Variants in PPP2R2C observed in about 807,000 individuals in gnomAD.
PPP2R2C encodes protein phosphatase 2, regulatory subunit B, gamma.
In PPP2R2C, 10 loss-of-function variants were observed where a neutral mutation model predicts 45.3. The ratio of observed to expected loss-of-function variants is 0.22; its 90% CI spans 0.14 to 0.37. PPP2R2C has a LOEUF of 0.37. Among genes scored for constraint, PPP2R2C ranks in the 10% least tolerant of loss-of-function variants. The probability of loss-of-function intolerance (pLI) is 1.00; values close to 1 mark genes in which losing one functional copy is unlikely to be tolerated. For missense variants in PPP2R2C, 308 were observed against 619.7 expected, an observed-to-expected ratio of 0.50 and a Z score of 5.34; for synonymous variants, 257 against 245.4, an observed-to-expected ratio of 1.05 and a Z score of -0.44.
chr4:6,325,576 G>A (rs552570653), intron 8 of PPP2R2C, among the ~76,000 whole-genome samples: 1 of 152,334 alleles, frequency 6.6e-6, no homozygotes, highest in Non-Finnish European at 1.5e-5. Context: ...TTTAGTGGAA[G>A]GAGAGCGACA....
At chr4:6,531,784 C>T (rs1272692434) in intron 2 of PPP2R2C, among the ~76,000 whole-genome samples, 2 of 152,078 alleles carry the variant, frequency 1.3e-5, no homozygotes, top group Non-Finnish European at 2.9e-5. Flanking sequence ...CACTCAGTCC[C>T]CAGCATTCTC....
chr4:6,365,319 T>A (rs1247124676), intron 5 of PPP2R2C, among the ~76,000 whole-genome samples: 2 of 152,168 alleles, frequency 1.3e-5, no homozygotes, highest in African/African-American at 2.4e-5. Context: ...AACAGAGCAT[T>A]TCTGAGCAGG....
chr4:6,338,897 C>A (rs1193977643), intron 6 of PPP2R2C, among the ~76,000 whole-genome samples: 1 of 152,164 alleles, frequency 6.6e-6, no homozygotes, highest in African/African-American at 2.4e-5. Flanking sequence ...CCTCTCTGAG[C>A]CCAGCTTCCC....
At chr4:6,439,752 T>A (rs1720060884) in intron 1 of PPP2R2C, among the ~76,000 whole-genome samples, 1 of 152,192 alleles carries the variant, frequency 6.6e-6, no homozygotes. Context: ...GTTGAATGGC[T>A]GTATTTTCAG....
intron 1 of PPP2R2C, among the ~76,000 whole-genome samples, chr4:6,425,969 A>G (rs1459636396): frequency 3.9e-5 from 6 of 152,094 alleles, no homozygotes; most frequent in Non-Finnish European, 8.8e-5. Flanking sequence ...CAGGTCCATC[A>G]GTACCGGGCC....
intron 2 of PPP2R2C, among the ~76,000 whole-genome samples, chr4:6,492,908 C>A (rs73207881): frequency 0.018 from 2,718 of 152,214 alleles, 32 homozygotes; most frequent in Non-Finnish European, 0.024. Flanking sequence ...GGATTCTGAC[C>A]TGCCAAGACA....
chr4:6,401,630 CCT>C (rs1717416919), intron 1 of PPP2R2C, among the ~76,000 whole-genome samples: 2 of 152,142 alleles, frequency 1.3e-5, no homozygotes, highest in Non-Finnish European at 2.9e-5. Flanking sequence ...GCTCCACCCT[CCT>C]CTGTGTGATC....
chr4:6,559,780 A>G (rs1037021190), intron 1 of PPP2R2C, among the ~76,000 whole-genome samples: 1 of 152,228 alleles, frequency 6.6e-6, no homozygotes, highest in African/African-American at 2.4e-5. Context: ...GGTCCTCACC[A>G]GACACTGAAT....
rs546208608 is a variant in PPP2R2C at position 6,559,848 on chromosome 4, T to C, written c.-59+3712A>G. On this transcript the variant is annotated intron_variant, in intron 1 of 9. Coordinates refer to the PPP2R2C transcript ENST00000506140. ...CAGAACGGTGAGAAATAAACCTGTG[T>C]TGTTCATAAGCTGCCCAGGCTATAT... Among the ~76,000 whole-genome samples, 5 of 152,334 alleles carry C rather than the reference T, an allele frequency of 3.3e-5. No individual in the cohort carries two copies. In the East Asian group the frequency reaches 9.6e-4, roughly 29 times the overall value.
intron 1 of PPP2R2C, among the ~76,000 whole-genome samples, chr4:6,389,856 G>A (rs930493172): frequency 2.0e-5 from 3 of 152,186 alleles, no homozygotes; most frequent in Admixed American, 2.0e-4. Context: ...TAAGGGCAGG[G>A]GAGAGATTGG....
rs1450013563 is a variant in PPP2R2C at position 6,329,825 on chromosome 4, T to C, written c.961-472A>G. Among the ~76,000 whole-genome samples the C allele has an allele frequency of 6.6e-6, 1 of 152,192 alleles. No homozygotes were observed. The highest frequency in any genetic ancestry group is 1.5e-5 in the Non-Finnish European group (1 of 68,018). On this transcript the variant is annotated intron_variant, in intron 7 of 8. Coordinates refer to ENST00000382599, the MANE Select transcript of PPP2R2C (RefSeq NM_020416.4). The surrounding 1 kb of genome is among the most constrained non-coding windows in gnomAD (Gnocchi z 5.8). The stretch of plus-strand genomic sequence containing the variant: ...TGGGGTCCAGATCCTGGCTCTGCCC[T>C]CCCAGCTGTGTGATCTTGGACAAGT...
chr4:6,383,336 A>C, intron 1 of PPP2R2C: 1 of 1,288,320 alleles, frequency 7.8e-7, no homozygotes, highest in South Asian at 1.2e-5. Flanking sequence ...CGCAGATGCA[A>C]GATGATGAAA....
At chr4:6,412,782 G>C (rs1024552773) in intron 1 of PPP2R2C, among the ~76,000 whole-genome samples, 1 of 152,118 alleles carries the variant, frequency 6.6e-6, no homozygotes, top group Non-Finnish European at 1.5e-5. Context: ...CCTTTGGGAG[G>C]TCATGAGGTC....
intron 5 of PPP2R2C, among the ~76,000 whole-genome samples, chr4:6,352,854 GTAGT>G (rs771886886): frequency 5.3e-4 from 80 of 152,268 alleles, no homozygotes; most frequent in South Asian, 1.0e-3. Context: ...CTTTGCAGAT[GTAGT>G]TAAAGATCTT....
At chr4:6,501,563 C>T (rs953414398) in intron 2 of PPP2R2C, among the ~76,000 whole-genome samples, 3 of 152,096 alleles carry the variant, frequency 2.0e-5, no homozygotes, top group Admixed American at 2.0e-4. Context: ...ACCATTAATC[C>T]TTGTAACACT....
At chr4:6,546,542 G>A (rs1217841991) in intron 1 of PPP2R2C, among the ~76,000 whole-genome samples, 3 of 152,318 alleles carry the variant, frequency 2.0e-5, no homozygotes, top group East Asian at 3.9e-4. Flanking sequence ...CTGGTGAGTG[G>A]TAGATTCTGA....
intron 2 of PPP2R2C, among the ~76,000 whole-genome samples, chr4:6,489,327 T>C (rs1053730145): frequency 1.3e-5 from 2 of 152,324 alleles, no homozygotes; most frequent in African/African-American, 4.8e-5. Context: ...CTGGTCCCTG[T>C]TATTCCATTT....
chr4:6,349,463 T>C, intron 5 of PPP2R2C: 1 of 985,096 alleles, frequency 1.0e-6, no homozygotes, highest in Non-Finnish European at 1.2e-6. Flanking sequence ...GCTCAATGAA[T>C]GTCAGTTTCC....
intron 2 of PPP2R2C, among the ~76,000 whole-genome samples, chr4:6,531,765 C>T (rs1724410318): frequency 6.6e-6 from 1 of 152,094 alleles, no homozygotes; most frequent in Non-Finnish European, 1.5e-5. Flanking sequence ...CGGAGTCTCC[C>T]TACCTTGCCA....
Sources: gnomAD v4.1 joint callset for allele counts (sites outside exome capture counted in the v4.1 genomes callset) on GRCh38, gnomAD v4.1.1 for gene constraint, Gnocchi (gnomAD v3.1) non-coding constraint, MANE v1.5 for transcripts, NCBI Gene and HGNC (gene_info 2026-07-23, HGNC 2026-07-21) for gene names.